The following EIF2S1 variants were observed in gnomAD, a reference collection of about 807,000 sequenced individuals.
The protein encoded by EIF2S1 is eukaryotic translation initiation factor 2 subunit 1.
EIF2S1 carries 5 observed loss-of-function variants against 33.5 expected under a neutral mutation model. That is an observed-to-expected ratio of 0.15 (90% CI 0.08 to 0.31). The LOEUF (loss-of-function observed/expected upper bound fraction) is 0.31, where lower values mean the gene tolerates loss of function less well. Among genes scored for constraint, EIF2S1 ranks in the 10% least tolerant of loss-of-function variants. EIF2S1 has a pLI of 1.00. For synonymous variants in EIF2S1, 99 were observed against 127.5 expected, an observed-to-expected ratio of 0.78 and a Z score of 1.51; for missense variants, 191 against 384.6, an observed-to-expected ratio of 0.50 and a Z score of 4.21.
chr14:67,378,013 G>A (rs1342257628), intron 4 of EIF2S1, among the ~76,000 whole-genome samples: 2 of 152,036 alleles, frequency 1.3e-5, no homozygotes, highest in East Asian at 3.9e-4. Context: ...CAACTTGGGA[G>A]GCTGAGGCAG....
chr14:67,376,412 T>A (rs1357726454), intron 3 of EIF2S1, 27 bp from the exon 4 acceptor site: 1 of 1,562,426 alleles, frequency 6.4e-7, no homozygotes, highest in Non-Finnish European at 8.7e-7. Context: ...TATCTTTGAA[T>A]TGTTGAGCTT....
chr14:67,362,219 C>G (rs2085747336), intron 1 of EIF2S1, among the ~76,000 whole-genome samples: 1 of 151,680 alleles, frequency 6.6e-6, no homozygotes, highest in Non-Finnish European at 1.5e-5. Context: ...GGGGTTTCAC[C>G]ATGTTGACCA....
chr14:67,383,204 G>A, intron 7 of EIF2S1, 111 bp from the exon 8 acceptor site: 1 of 1,199,230 alleles, frequency 8.3e-7, no homozygotes, highest in Non-Finnish European at 1.1e-6. Context: ...AGATATGACA[G>A]AGTTGTTAGA....
In EIF2S1 at chr14:67,384,838, C is replaced by T. The variant is rs895341382; in HGVS notation, c.*1398C>T. 6.6e-6 allele frequency: 1 copy of T among 152,110 alleles called. No homozygotes were observed. The allele number at this position is 152,110 out of a possible 1,614,324, so 9.4% of individuals were successfully genotyped here. On this transcript the variant is annotated 3_prime_UTR_variant, in exon 8 of 8. Transcript: ENST00000256383. ...CATATTGGGAATATGTAGAGGAGAACCTGGATGTACTTAAGAGTGGCATAT... is the reference window on the plus strand; with the variant it reads ...CATATTGGGAATATGTAGAGGAGAATCTGGATGTACTTAAGAGTGGCATAT...
chr14:67,374,007 ATTAG>A (rs2085842373), intron 2 of EIF2S1, among the ~76,000 whole-genome samples: 1 of 152,152 alleles, frequency 6.6e-6, no homozygotes, highest in African/African-American at 2.4e-5. Flanking sequence ...ATTGAAAATT[ATTAG>A]TTCTCTCCAG....
rs1298780447 is a variant in EIF2S1 at position 67,382,435 on chromosome 14, T to G, written c.679-12T>G. On this transcript the variant is annotated splice_polypyrimidine_tract_variant and intron_variant, in intron 6 of 7. Coordinates refer to ENST00000256383, the MANE Select transcript of EIF2S1 (RefSeq NM_004094.5). ...GTACATTCATAAATGAATTTTTGTC[T>G]TTCTCTTTTAGATTAATCTAATAGC... The G allele has an allele frequency of 6.2e-7, 1 of 1,606,040 alleles. No individual in the cohort carries two copies. The highest frequency in any genetic ancestry group is 8.5e-7 in the Non-Finnish European group (1 of 1,176,644).
At chr14:67,368,629 G>T (rs1232514120) in intron 2 of EIF2S1, among the ~76,000 whole-genome samples, 4 of 152,232 alleles carry the variant, frequency 2.6e-5, no homozygotes, top group South Asian at 2.1e-4. Context: ...AGGCCAGGAG[G>T]TGTGGGGTAA....
At position 67,380,687 on chromosome 14, in the gene EIF2S1, T is replaced by C; in HGVS notation, c.502T>C (p.Leu168=). The change falls in exon 5 of 8, where the codon TTG becomes CTG. Residue 168 remains leucine, a synonymous_variant. Coordinates refer to ENST00000256383, the MANE Select transcript of EIF2S1 (RefSeq NM_004094.5). ...SDPSILDSLD[L]NEDEREVLIN... ...CCCATCTATTTTGGATAGTTTAGAT[T>C]TGAATGAAGATGAACGGGAAGTACT... The C allele has an allele frequency of 6.3e-7, 1 of 1,581,828 alleles. No homozygotes were observed. The highest frequency in any genetic ancestry group is 1.2e-5 in the South Asian group (1 of 84,528).
intron 3 of EIF2S1, among the ~76,000 whole-genome samples, chr14:67,375,230 TTCTGTGTGTGTGTGTG>T (rs2085850290): frequency 7.5e-6 from 1 of 132,694 alleles, no homozygotes; most frequent in African/African-American, 2.9e-5. Flanking sequence ...ACATCCTCAG[TTCTGTGTGTGTGTGTG>T]TGTGTGTGTG....
At chr14:67,380,549 A>ATTAACTATTATATGC in intron 4 of EIF2S1, 110 bp from the exon 5 acceptor site, 1 of 484,620 alleles carries the variant, frequency 2.1e-6, no homozygotes. Flanking sequence ...TATTATATGC[A>ATTAACTATTATATGC]TTAACTATTA....
At chr14:67,373,842 A>AGAGTGTGT (rs894023551) in intron 2 of EIF2S1, among the ~76,000 whole-genome samples, 3 of 145,686 alleles carry the variant, frequency 2.1e-5, no homozygotes, top group African/African-American at 7.5e-5. Flanking sequence ...TAATTTGTTC[A>AGAGTGTGT]GTGTGTGTGT....
rs987984728 is a variant in EIF2S1, at chr14:67,384,368, T to G, written c.*928T>G. 8 of 103,344 alleles carry G rather than the reference T, an allele frequency of 7.7e-5. No homozygotes were observed. The highest frequency in any genetic ancestry group is 1.7e-4 in the African/African-American group (3 of 17,450). The allele number at this position is 103,344 out of a possible 1,614,324, so 6.4% of individuals were successfully genotyped here. ...GGATCTGTTTGAACACTTACTGTTG[T>G]TTTTTTTTTTTTACATGTTTCCATC... On this transcript the variant is annotated 3_prime_UTR_variant, in exon 8 of 8. Transcript: ENST00000256383.
At chr14:67,378,189 C>G (rs1274545559) in intron 4 of EIF2S1, among the ~76,000 whole-genome samples, 1 of 151,614 alleles carries the variant, frequency 6.6e-6, no homozygotes, top group Non-Finnish European at 1.5e-5. Context: ...CCTCCCACTC[C>G]TTCCTAAATG....
chr14:67,380,742 C>A lies in EIF2S1; in HGVS notation c.557C>A (p.Pro186Gln). Residue 186 changes from proline to glutamine, a missense_variant, in exon 5 of 8, where the codon CCA becomes CAA. By Grantham distance (76) the Pro-to-Gln change is moderately conservative. Coordinates refer to ENST00000256383, the MANE Select transcript of EIF2S1 (RefSeq NM_004094.5). The part of the protein sequence containing the change: ...LINNINRRLT[P>Q]QAVKIRADIE... ...AATAATATTAATAGGCGCTTGACCC[C>A]ACAGGCTGTCAAAATTCGAGCAGGT... 1 of 1,546,038 alleles carries A rather than the reference C, an allele frequency of 6.5e-7. No individual in the cohort carries two copies. The highest frequency in any genetic ancestry group is 1.3e-5 in the South Asian group (1 of 78,092).
chr14:67,367,588 T>C (rs1473402612), intron 2 of EIF2S1, among the ~76,000 whole-genome samples: 1 of 152,242 alleles, frequency 6.6e-6, no homozygotes, highest in Non-Finnish European at 1.5e-5. Context: ...ATAAATACGG[T>C]GCATGGAATG....
At chr14:67,369,291 A>G (rs2085803077) in intron 2 of EIF2S1, among the ~76,000 whole-genome samples, 1 of 152,248 alleles carries the variant, frequency 6.6e-6, no homozygotes, top group South Asian at 2.1e-4. Flanking sequence ...TTTTGTAATG[A>G]TAAAGGGTCA....
At position 67,363,970 on chromosome 14, in the gene EIF2S1, A is replaced by G. The variant is rs962786125; in HGVS notation, c.-1-797A>G. ...TTTCAGGCTTGTGGATCATAAAAGG[A>G]GTAGTGCTGAAAGTAGGTTGGGTGG... is the stretch of plus-strand genomic sequence containing the variant. On this transcript the variant is annotated intron_variant, in intron 1 of 7. Transcript: ENST00000256383. The G allele has an allele frequency of 2.0e-5, 3 of 152,294 alleles. No individual in the cohort carries two copies. In the South Asian group the frequency reaches 6.2e-4, roughly 32 times the overall value. 9.4% of individuals were successfully genotyped at this position (152,294 alleles called of 1,614,324 possible).
chr14:67,378,160 T>G (rs2085867414), intron 4 of EIF2S1, among the ~76,000 whole-genome samples: 1 of 151,424 alleles, frequency 6.6e-6, no homozygotes, highest in African/African-American at 2.4e-5. Flanking sequence ...TTCAGTTCTC[T>G]ATACTTGCTG....
At chr14:67,372,887 A>T (rs2141138580) in intron 2 of EIF2S1, among the ~76,000 whole-genome samples, 1 of 152,310 alleles carries the variant, frequency 6.6e-6, no homozygotes, top group Middle Eastern at 3.4e-3. Context: ...TTTTTAAAGG[A>T]GCGAAAGTTT....
Sources: gnomAD v4.1 joint callset for allele counts (sites outside exome capture counted in the v4.1 genomes callset) on GRCh38, gnomAD v4.1.1 for gene constraint, MANE v1.5 for transcripts, NCBI Gene and HGNC (gene_info 2026-07-23, HGNC 2026-07-21) for gene names.